Variants in NSD1 observed in about 807,000 individuals in gnomAD.
The protein encoded by NSD1 is nuclear receptor binding SET domain protein 1, also known as histone-lysine N-methyltransferase, H3 lysine-36 specific.
NSD1 carries 26 observed loss-of-function variants against 242.7 expected under a neutral mutation model. The observed-to-expected ratio is 0.11, with a 90% confidence interval of 0.08 to 0.15. The LOEUF (loss-of-function observed/expected upper bound fraction) is 0.15, where lower values mean the gene tolerates loss of function less well. NSD1 is among the 10% of genes least tolerant of loss of function. The probability of loss-of-function intolerance (pLI) is 1.00; values close to 1 mark genes in which losing one functional copy is unlikely to be tolerated. For missense variants in NSD1, 2,495 were observed against 3,272.8 expected, an observed-to-expected ratio of 0.76 and a Z score of 5.80; for synonymous variants, 1,106 against 1,178.1, an observed-to-expected ratio of 0.94 and a Z score of 1.25.
At chr5:177,225,074 C>A (rs1052647313) in intron 5 of NSD1, among the ~76,000 whole-genome samples, 1 of 152,110 alleles carries the variant, frequency 6.6e-6, no homozygotes, top group African/African-American at 2.4e-5. Flanking sequence ...AAAATCTATA[C>A]TCAAAGGATA....
intron 2 of NSD1, among the ~76,000 whole-genome samples, chr5:177,177,459 G>A (rs997351593): frequency 3.3e-5 from 5 of 151,980 alleles, no homozygotes; most frequent in Admixed American, 2.6e-4. Context: ...GCAGTGAGCC[G>A]AGATTGTGCC....
At position 177,299,601 on chromosome 5, in the gene NSD1, G is replaced by T; in HGVS notation, c.*4142G>T. 4.3e-6 allele frequency: 1 copy of T among 233,290 alleles called. No individual in the cohort carries two copies. Among genetic ancestry groups the T allele is most frequent in the Non-Finnish European group, 8.5e-6 (1 of 118,044 alleles). The allele number at this position is 233,290 out of a possible 1,614,324, so 14.5% of individuals were successfully genotyped here. On this transcript the variant is annotated 3_prime_UTR_variant, in exon 23 of 23. Coordinates refer to ENST00000439151, the MANE Select transcript of NSD1 (RefSeq NM_022455.5). ...ATTAAGGGTAGTATTTTCTAAGGAA[G>T]TGGAAAGAATTAAACTAGAAATCCA...
At chr5:177,153,275 G>C (rs193286116) in intron 2 of NSD1, among the ~76,000 whole-genome samples, 21 of 150,788 alleles carry the variant, frequency 1.4e-4, no homozygotes, top group Non-Finnish European at 2.8e-4. Context: ...TATATAGTTG[G>C]CTCTTGATGT....
At chr5:177,200,171 A>G (rs1172264027) in intron 3 of NSD1, among the ~76,000 whole-genome samples, 1 of 151,770 alleles carries the variant, frequency 6.6e-6, no homozygotes, top group Non-Finnish European at 1.5e-5. Context: ...GCTCACTGCA[A>G]CCTCTGCCTC....
At chr5:177,185,248 G>C (rs1367207916) in intron 2 of NSD1, among the ~76,000 whole-genome samples, 1 of 152,034 alleles carries the variant, frequency 6.6e-6, no homozygotes, top group Non-Finnish European at 1.5e-5. Context: ...TGGGTGGATT[G>C]ATTGAGCTCA....
At chr5:177,189,828 C>G (rs1431034353) in intron 2 of NSD1, among the ~76,000 whole-genome samples, 1 of 152,164 alleles carries the variant, frequency 6.6e-6, no homozygotes, top group South Asian at 2.1e-4. Flanking sequence ...GGAACCTACT[C>G]AGATTGCAGT....
rs774868314 is a variant in NSD1, at chr5:177,212,097, G to A, written c.3698G>A (p.Arg1233Gln). The A allele has an allele frequency of 1.4e-5, 22 of 1,613,932 alleles. No individual in the cohort carries two copies. The highest frequency in any genetic ancestry group is 5.5e-5 in the South Asian group (5 of 91,076). The change falls in exon 5 of 23, where the codon CGG becomes CAG. Residue 1233 changes from arginine (R) to glutamine (Q), a missense_variant. Around this residue, in one of 19 missense-constraint regions of NSD1, gnomAD observed 426 missense variants for 411.4 expected, o/e 1.04. Coordinates refer to ENST00000439151, the MANE Select transcript of NSD1 (RefSeq NM_022455.5). ...HADCLDSAGP[R>Q]LNVCDKSSAS... ...GACTGCTTAGATTCAGCTGGGCCAC[G>A]GTTAAATGTTTGTGATAAATCCAGT...
At chr5:177,222,719 G>A (rs1423969834) in intron 5 of NSD1, among the ~76,000 whole-genome samples, 1 of 151,922 alleles carries the variant, frequency 6.6e-6, no homozygotes, top group Admixed American at 6.6e-5. Flanking sequence ...AGTAATAAGA[G>A]GTCTTTATAT....
At chr5:177,214,206 C>T (rs754845979) in intron 5 of NSD1, among the ~76,000 whole-genome samples, 4 of 152,074 alleles carry the variant, frequency 2.6e-5, no homozygotes, top group South Asian at 4.1e-4. Flanking sequence ...GTGGCGCGCT[C>T]CTGTAATACC....
chr5:177,132,729 G>A (rs1358450608), upstream of NSD1, among the ~76,000 whole-genome samples: 2 of 152,072 alleles, frequency 1.3e-5, no homozygotes, highest in African/African-American at 4.8e-5. The surrounding 1 kb of genome is among the most constrained non-coding windows in gnomAD (Gnocchi z 7.5). Flanking sequence ...CGGGCGAGCA[G>A]TGCCGGGGCG....
At chr5:177,171,336 T>G (rs952945445) in intron 2 of NSD1, among the ~76,000 whole-genome samples, 1 of 152,062 alleles carries the variant, frequency 6.6e-6, no homozygotes. Flanking sequence ...TTGTACGCTT[T>G]AGTTACCATC....
At position 177,220,563 on chromosome 5, in the gene NSD1, CTTTTTTTTTTT is replaced by C. The variant is rs869220346; in HGVS notation, c.3796+8382_3796+8392del. 2.1e-4 allele frequency among the ~76,000 whole-genome samples: 18 copies of C among 84,356 alleles called. No individual in the cohort carries two copies. The East Asian group carries it at 3.0e-3, about 14-fold the overall frequency. 55.3% of individuals were successfully genotyped at this position (84,356 alleles called of 152,430 possible). ...TCCATTTTTTTTCTTATAGTAATTG[CTTTTTTTTTTT>C]TTTTTTTTTTTTTGAAACAGAGGCT... On this transcript the variant is annotated intron_variant, in intron 5 of 22. Coordinates refer to ENST00000439151, the MANE Select transcript of NSD1 (RefSeq NM_022455.5).
At chr5:177,239,142 A>G (rs539427317) in intron 7 of NSD1, among the ~76,000 whole-genome samples, 57 of 152,346 alleles carry the variant, frequency 3.7e-4, no homozygotes, top group East Asian at 3.5e-3. Context: ...AATTTTGGAT[A>G]TAACTTTTTT....
Position 177,147,991 on chromosome 5 carries a change from C to T in NSD1, c.927+11961C>T, listed in dbSNP as rs569600891. On this transcript the variant is annotated intron_variant, in intron 2 of 22. Coordinates refer to ENST00000439151, the MANE Select transcript of NSD1 (RefSeq NM_022455.5). ...TGAAGGACATCTGGGGCAATGCTAGCTTTTGGTAATTAAGGTAAAAGTACT... is the reference window on the plus strand; with the variant it reads ...TGAAGGACATCTGGGGCAATGCTAGTTTTTGGTAATTAAGGTAAAAGTACT... Among the ~76,000 whole-genome samples the T allele has an allele frequency of 1.6e-4, 25 of 152,114 alleles. No individual in the cohort carries two copies. In the East Asian group the frequency reaches 4.6e-3, roughly 28 times the overall value.
At chr5:177,132,639 C>T (rs1055581020), upstream of NSD1, among the ~76,000 whole-genome samples, 1 of 152,058 alleles carries the variant, frequency 6.6e-6, no homozygotes, top group Non-Finnish European at 1.5e-5. This position sits in a 1 kb window ranked among gnomAD's most constrained non-coding sequence, Gnocchi z 7.5. Context: ...GACGCGCTGT[C>T]AGGCTGCAGC....
chr5:177,236,016 T>C (rs947567296), intron 6 of NSD1, 71 bp downstream of exon 6: 9 of 1,503,830 alleles, frequency 6.0e-6, no homozygotes, highest in African/African-American at 1.4e-5. Context: ...AATGTCATAC[T>C]TTATCTTCAT....
At chr5:177,154,426 G>C (rs375672284) in intron 2 of NSD1, among the ~76,000 whole-genome samples, 1 of 152,086 alleles carries the variant, frequency 6.6e-6, no homozygotes, top group Non-Finnish European at 1.5e-5. Context: ...ATAGACATTC[G>C]TTAGTTTTTA....
chr5:177,136,097 A>G, intron 2 of NSD1, 67 bp downstream of exon 2: 7 of 1,399,996 alleles, frequency 5.0e-6, no homozygotes, highest in Non-Finnish European at 7.0e-6. Flanking sequence ...TTAAAGGGAA[A>G]CTTGTAACAA....
Position 177,212,039 on chromosome 5 carries a change from C to T in NSD1, c.3640C>T (p.Leu1214Phe). 1 of 1,614,078 alleles carries T rather than the reference C, an allele frequency of 6.2e-7. No individual in the cohort carries two copies. The highest frequency in any genetic ancestry group is 8.5e-7 in the Non-Finnish European group (1 of 1,180,012). The change falls in exon 5 of 23, where the codon CTT becomes TTT. Residue 1214 changes from leucine to phenylalanine, a missense_variant. Physicochemically the swap from Leu to Phe is conservative, Grantham distance 22. Coordinates refer to ENST00000439151, the MANE Select transcript of NSD1 (RefSeq NM_022455.5). Reference sequence around the variant, plus strand: ...GCATAGAACTCCTTCAGCAAGCATACTTGAGGAACCACTGACAGAGCAAAA... The same window carrying T: ...GCATAGAACTCCTTCAGCAAGCATATTTGAGGAACCACTGACAGAGCAAAA... ...PEHRTPSASI[L>F]EEPLTEQNHA...
Sources: gnomAD v4.1 joint callset for allele counts (sites outside exome capture counted in the v4.1 genomes callset) on GRCh38, gnomAD v4.1.1 for gene constraint, gnomAD v4.1.1 regional missense constraint, Gnocchi (gnomAD v3.1) non-coding constraint, MANE v1.5 for transcripts, NCBI Gene and HGNC (gene_info 2026-07-23, HGNC 2026-07-21) for gene names.